The following ALK variants were observed in gnomAD, a reference collection of about 807,000 sequenced individuals.
ALK encodes ALK tyrosine kinase receptor.
ALK carries 74 observed loss-of-function variants against 163.1 expected under a neutral mutation model. That is an observed-to-expected ratio of 0.45 (90% confidence interval 0.38 to 0.55). The LOEUF is 0.55. ALK is among the 20% of genes least tolerant of loss of function. ALK has a pLI of 0.00. For missense variants in ALK, 2,063 were observed against 2,105.3 expected (o/e 0.98, Z 0.39); for synonymous variants, 960 against 843.2 (o/e 1.14, Z -2.40).
Position 29,509,412 on chromosome 2 carries a change from G to A in ALK, c.1154+22503C>T, listed in dbSNP as rs374325368. Among the ~76,000 whole-genome samples, 93 of 152,234 alleles carry A rather than the reference G, an allele frequency of 6.1e-4. No individual in the cohort carries two copies. In the South Asian group the frequency reaches 9.6e-3, roughly 16 times the overall value. On this transcript the variant is annotated intron_variant, in intron 4 of 28. Transcript: ENST00000389048. ...TGTTTTAAGAGTAAATTAGATCAGCGAAAGCTTTCTGTACTTGCTTGTACA... is the reference window on the plus strand; with the variant it reads ...TGTTTTAAGAGTAAATTAGATCAGCAAAAGCTTTCTGTACTTGCTTGTACA...
chr2:29,341,187 T>C (rs1208254248), intron 5 of ALK, among the ~76,000 whole-genome samples: 2 of 152,274 alleles, frequency 1.3e-5, no homozygotes, highest in African/African-American at 4.8e-5. Flanking sequence ...CTCCTGTGGC[T>C]ATGTGTGTAC....
At chr2:29,693,689 G>T (rs1014949922) in intron 3 of ALK, among the ~76,000 whole-genome samples, 3 of 152,122 alleles carry the variant, frequency 2.0e-5, no homozygotes, top group African/African-American at 4.8e-5. Context: ...GACCTGTTAG[G>T]CTCCCTAGTA....
intron 24 of ALK, among the ~76,000 whole-genome samples, chr2:29,210,475 C>A (rs1669434061): frequency 6.6e-6 from 1 of 152,178 alleles, no homozygotes; most frequent in African/African-American, 2.4e-5. Context: ...CTCTGTTACC[C>A]AGGCTGGAGT....
At chr2:29,605,157 G>T (rs1408547478) in intron 3 of ALK, among the ~76,000 whole-genome samples, 1 of 152,182 alleles carries the variant, frequency 6.6e-6, no homozygotes, top group Non-Finnish European at 1.5e-5. Flanking sequence ...GGACAGGGGG[G>T]TGGGTAGCGA....
intron 1 of ALK, among the ~76,000 whole-genome samples, chr2:29,879,092 G>A (rs963828341): frequency 3.9e-5 from 6 of 152,114 alleles, no homozygotes; most frequent in African/African-American, 1.2e-4. Context: ...TTTGAACTCA[G>A]TGAACCAGGA....
At chr2:29,368,140 G>T (rs1668551076) in intron 5 of ALK, among the ~76,000 whole-genome samples, 1 of 152,174 alleles carries the variant, frequency 6.6e-6, no homozygotes, top group African/African-American at 2.4e-5. Context: ...AGTCAAATAG[G>T]CTGTGGCACA....
At chr2:29,236,732 G>A (rs991159872) in intron 13 of ALK, among the ~76,000 whole-genome samples, 3 of 152,114 alleles carry the variant, frequency 2.0e-5, no homozygotes, top group Non-Finnish European at 4.4e-5. Context: ...CCGCTTTGCT[G>A]GTTCCTCTTC....
At chr2:29,737,426 A>G (rs1015264126) in intron 1 of ALK, among the ~76,000 whole-genome samples, 2 of 152,108 alleles carry the variant, frequency 1.3e-5, no homozygotes, top group African/African-American at 4.8e-5. Flanking sequence ...CATTTCATAT[A>G]TAGTTTAAAA....
chr2:29,314,948 T>C (rs1465074152), intron 8 of ALK, among the ~76,000 whole-genome samples: 1 of 152,144 alleles, frequency 6.6e-6, no homozygotes. Flanking sequence ...CGAGCAGGTC[T>C]GACAGCAAGT....
chr2:29,417,801 T>C (rs114984586), intron 4 of ALK, among the ~76,000 whole-genome samples: 4,235 of 152,340 alleles, frequency 0.028, 197 homozygotes, highest in African/African-American at 0.094. Flanking sequence ...ATAGCTGTGC[T>C]CTATTCTTGC....
At chr2:29,434,126 C>T (rs1259330047) in intron 4 of ALK, among the ~76,000 whole-genome samples, 2 of 151,992 alleles carry the variant, frequency 1.3e-5, no homozygotes, top group African/African-American at 2.4e-5. Flanking sequence ...TGCACCTGTA[C>T]CAGAATATTT....
chr2:29,893,380 TG>T (rs1667194371), intron 1 of ALK, among the ~76,000 whole-genome samples: 1 of 152,238 alleles, frequency 6.6e-6, no homozygotes, highest in Admixed American at 6.5e-5. Context: ...TCATTTTATA[TG>T]TTCACCAGCT....
intron 12 of ALK, among the ~76,000 whole-genome samples, chr2:29,241,873 C>A (rs1372428605): frequency 6.6e-6 from 1 of 152,156 alleles, no homozygotes; most frequent in East Asian, 1.9e-4. Flanking sequence ...TGAGGCCACA[C>A]AGCCAGTCAG....
chr2:29,239,272 C>T (rs1284677991), intron 13 of ALK, among the ~76,000 whole-genome samples: 1 of 152,188 alleles, frequency 6.6e-6, no homozygotes, highest in African/African-American at 2.4e-5. Flanking sequence ...GGTAGCCCCT[C>T]TTCCCATATC....
intron 1 of ALK, among the ~76,000 whole-genome samples, chr2:29,758,911 T>C (rs1391509801): frequency 6.6e-6 from 1 of 152,150 alleles, no homozygotes; most frequent in Admixed American, 6.5e-5. Flanking sequence ...ACTGCCTCTT[T>C]ATAGGGTCGG....
intron 4 of ALK, among the ~76,000 whole-genome samples, chr2:29,524,385 C>T (rs1352625353): frequency 3.9e-5 from 6 of 152,182 alleles, no homozygotes; most frequent in East Asian, 1.9e-4. Flanking sequence ...CGGAGCCAGG[C>T]GTGACGCCAA....
chr2:29,411,944 C>T (rs947898014), intron 4 of ALK, among the ~76,000 whole-genome samples: 1 of 152,164 alleles, frequency 6.6e-6, no homozygotes, highest in Non-Finnish European at 1.5e-5. Flanking sequence ...TTGGTGACAC[C>T]AGCCCAAGCG....
rs1669168234 is a variant in ALK at position 29,391,381 on chromosome 2, A to C, written c.1155-7522T>G. Among the ~76,000 whole-genome samples the C allele has an allele frequency of 3.3e-5, 5 of 151,290 alleles. 1 individual carries two copies. Among genetic ancestry groups the C allele is most frequent in the Admixed American group, 3.3e-4 (5 of 15,184 alleles). Reference sequence around the variant, plus strand: ...CAGTGGCACGATCTTGGCTCACTGCAACGTCCGCCTCCTGGCTCAAGCGAT... The same window carrying C: ...CAGTGGCACGATCTTGGCTCACTGCCACGTCCGCCTCCTGGCTCAAGCGAT... On this transcript the variant is annotated intron_variant, in intron 4 of 28. Coordinates refer to ENST00000389048, the MANE Select transcript of ALK (RefSeq NM_004304.5).
At chr2:29,585,117 A>G (rs577837849) in intron 3 of ALK, among the ~76,000 whole-genome samples, 3 of 152,214 alleles carry the variant, frequency 2.0e-5, no homozygotes, top group African/African-American at 7.2e-5. Flanking sequence ...TATCTTTCTT[A>G]ATTATTTTAA....
Sources: gnomAD v4.1 joint callset for allele counts (sites outside exome capture counted in the v4.1 genomes callset) on GRCh38, gnomAD v4.1.1 for gene constraint, MANE v1.5 for transcripts, NCBI Gene and HGNC (gene_info 2026-07-23, HGNC 2026-07-21) for gene names.